Variants in DENND1B observed in about 807,000 individuals in gnomAD.
DENND1B encodes the protein DENN domain-containing protein 1B.
A neutral mutation model predicts 90.1 loss-of-function variants in DENND1B; 59 were observed. The observed-to-expected ratio is 0.65, with a 90% CI of 0.53 to 0.81. The LOEUF (loss-of-function observed/expected upper bound fraction) is 0.81, where lower values mean the gene tolerates loss of function less well. DENND1B is among the 40% of genes least tolerant of loss of function. The pLI is 0.00. For missense variants in DENND1B, 862 were observed against 912.6 expected (o/e 0.94, Z 0.71); for synonymous variants, 337 against 324.6 (o/e 1.04, Z -0.41).
At chr1:197,638,925 T>A (rs1680031862) in intron 10 of DENND1B, among the ~76,000 whole-genome samples, 1 of 151,918 alleles carries the variant, frequency 6.6e-6, no homozygotes, top group East Asian at 1.9e-4. Context: ...TGCAAAAATA[T>A]AATAATAGGT....
At chr1:197,743,531 G>A (rs1375208631) in intron 2 of DENND1B, among the ~76,000 whole-genome samples, 2 of 152,176 alleles carry the variant, frequency 1.3e-5, no homozygotes, top group African/African-American at 2.4e-5. Flanking sequence ...TGATCAGCCT[G>A]GGGGTTGCTG....
chr1:197,565,184 A>G (rs1672521415), intron 15 of DENND1B, among the ~76,000 whole-genome samples: 2 of 152,086 alleles, frequency 1.3e-5, no homozygotes, highest in Non-Finnish European at 2.9e-5. Context: ...AATAATAGGA[A>G]AATGTAGAAA....
At chr1:197,749,717 A>G (rs543778535) in intron 2 of DENND1B, among the ~76,000 whole-genome samples, 3 of 152,142 alleles carry the variant, frequency 2.0e-5, no homozygotes, top group Non-Finnish European at 4.4e-5. Context: ...GTAGGTACAT[A>G]AGATTTTTTT....
At chr1:197,572,617 G>A (rs1673273624) in intron 15 of DENND1B, among the ~76,000 whole-genome samples, 2 of 152,236 alleles carry the variant, frequency 1.3e-5, no homozygotes, top group South Asian at 4.1e-4. Context: ...CCTCAAGCAG[G>A]TGCCTGACTC....
At chr1:197,751,705 G>T (rs749186055) in intron 2 of DENND1B, among the ~76,000 whole-genome samples, 2 of 151,932 alleles carry the variant, frequency 1.3e-5, no homozygotes, top group East Asian at 3.9e-4. Context: ...TTAGCAGGGC[G>T]TGGTAGCATG....
intron 3 of DENND1B, among the ~76,000 whole-genome samples, chr1:197,674,667 T>TAA (rs35033905): frequency 1.4e-5 from 2 of 144,696 alleles, no homozygotes; most frequent in African/African-American, 2.5e-5. Context: ...GTCAAACAGT[T>TAA]AAAAAAAAAA....
Position 197,746,388 on chromosome 1 carries a change from C to G in DENND1B, c.82+26480G>C, listed in dbSNP as rs762975979. ...CTAGCCTGGGTGACAGAGACTGTCT[C>G]AAAAAAAGAAAGAAAGAAAGTATGA... On this transcript the variant is annotated intron_variant, in intron 2 of 22. Transcript: ENST00000620048. Among the ~76,000 whole-genome samples, 171 of 151,516 alleles carry G rather than the reference C, an allele frequency of 1.1e-3. 1 individual carries two copies. Among genetic ancestry groups the G allele is most frequent in the Non-Finnish European group, 1.0e-3 (69 of 67,874 alleles).
chr1:197,595,698 T>G (rs1675625889), intron 13 of DENND1B, among the ~76,000 whole-genome samples: 1 of 152,086 alleles, frequency 6.6e-6, no homozygotes, highest in South Asian at 2.1e-4. Flanking sequence ...TTTTGTTCGT[T>G]TTTGCTATGT....
intron 3 of DENND1B, among the ~76,000 whole-genome samples, chr1:197,677,129 A>C (rs2125992260): frequency 1.3e-5 from 2 of 152,248 alleles, no homozygotes; most frequent in East Asian, 3.9e-4. Context: ...TGTCGATACC[A>C]CTAATTGTTT....
At chr1:197,768,467 C>A (rs1194450749) in intron 2 of DENND1B, among the ~76,000 whole-genome samples, 4 of 152,112 alleles carry the variant, frequency 2.6e-5, no homozygotes, top group African/African-American at 9.7e-5. Flanking sequence ...AGTATGGTAA[C>A]AATGACTTCT....
At chr1:197,754,984 T>C (rs1057265080) in intron 2 of DENND1B, among the ~76,000 whole-genome samples, 2 of 152,182 alleles carry the variant, frequency 1.3e-5, no homozygotes, top group Non-Finnish European at 2.9e-5. Context: ...CTCATATACA[T>C]ACATAGGCAT....
chr1:197,683,267 A>G lies in DENND1B; in HGVS notation c.127-9098T>C, dbSNP rs75863889. The stretch of plus-strand genomic sequence containing the variant: ...TAAATTAATAAATATCTCAGTTTGA[A>G]CAATAAATCATATGGCTACCCTAAG... On this transcript the variant is annotated intron_variant, in intron 3 of 22. Transcript: ENST00000620048. Among the ~76,000 whole-genome samples, 767 of 152,326 alleles carry G rather than the reference A, an allele frequency of 5.0e-3. 7 individuals carry two copies. Among genetic ancestry groups the G allele is most frequent in the African/African-American group, 0.017 (712 of 41,582 alleles).
intron 5 of DENND1B, among the ~76,000 whole-genome samples, chr1:197,666,593 A>C (rs888657835): frequency 6.6e-6 from 1 of 152,206 alleles, no homozygotes; most frequent in Non-Finnish European, 1.5e-5. Context: ...CCTATTAAGC[A>C]CATGAATTCT....
At chr1:197,653,738 G>GA (rs1007910160) in intron 6 of DENND1B, among the ~76,000 whole-genome samples, 19 of 148,616 alleles carry the variant, frequency 1.3e-4, no homozygotes, top group Non-Finnish European at 2.1e-4. Context: ...ATGGTTTCAG[G>GA]AAAAAAAAAG....
At chr1:197,536,131 A>AGG (rs1669866166) in intron 20 of DENND1B, among the ~76,000 whole-genome samples, 1 of 136,494 alleles carries the variant, frequency 7.3e-6, no homozygotes, top group African/African-American at 2.7e-5. Flanking sequence ...AGAGGGAGAG[A>AGG]GAGAGATTGA....
At chr1:197,534,318 A>G (rs893652361) in intron 20 of DENND1B, among the ~76,000 whole-genome samples, 3 of 152,204 alleles carry the variant, frequency 2.0e-5, no homozygotes, top group African/African-American at 7.2e-5. Flanking sequence ...TGAGAGAGGT[A>G]TTAATGAGAC....
chr1:197,579,054 G>A (rs1673959689), intron 15 of DENND1B, among the ~76,000 whole-genome samples: 1 of 152,188 alleles, frequency 6.6e-6, no homozygotes, highest in Non-Finnish European at 1.5e-5. Flanking sequence ...AGCTTTCCAA[G>A]TGATTCAGAT....
chr1:197,563,818 T>A (rs1672381148), intron 15 of DENND1B, among the ~76,000 whole-genome samples: 1 of 151,900 alleles, frequency 6.6e-6, no homozygotes, highest in South Asian at 2.1e-4. Flanking sequence ...TTAAGAACAT[T>A]CATGATTCAT....
chr1:197,593,864 C>T (rs1255043953), intron 14 of DENND1B, among the ~76,000 whole-genome samples: 1 of 152,038 alleles, frequency 6.6e-6, no homozygotes, highest in Non-Finnish European at 1.5e-5. Context: ...AAATCAATCC[C>T]TATTTTCAAA....
Sources: gnomAD v4.1 joint callset for allele counts (sites outside exome capture counted in the v4.1 genomes callset) on GRCh38, gnomAD v4.1.1 for gene constraint, MANE v1.5 for transcripts, NCBI Gene and HGNC (gene_info 2026-07-23, HGNC 2026-07-21) for gene names.